The following RBFOX1 variants were observed in gnomAD, a reference collection of about 807,000 sequenced individuals.
RBFOX1 encodes the protein RNA binding protein fox-1 homolog 1.
A neutral mutation model predicts 57.7 loss-of-function variants in RBFOX1; 8 were observed. The ratio of observed to expected loss-of-function variants is 0.14; its 90% confidence interval spans 0.08 to 0.25. The LOEUF (loss-of-function observed/expected upper bound fraction) is 0.25. Ranked by LOEUF, RBFOX1 falls within the 10% of genes least tolerant of loss-of-function variation. The pLI, the probability that RBFOX1 is intolerant of heterozygous loss-of-function variation, is 1.00. For synonymous variants in RBFOX1, 326 were observed against 222.4 expected (o/e 1.47, Z -4.15); for missense variants, 611 against 548.5 (o/e 1.11, Z -1.14).
chr16:7,619,116 C>T (rs548452861), intron 10 of RBFOX1, among the ~76,000 whole-genome samples: 11 of 152,130 alleles, frequency 7.2e-5, no homozygotes, highest in Non-Finnish European at 1.3e-4. Context: ...ATGGGTTATA[C>T]ATTTAAATCT....
At chr16:5,720,369 G>C (rs2051883293) in intron 3 of RBFOX1, among the ~76,000 whole-genome samples, 1 of 152,144 alleles carries the variant, frequency 6.6e-6, no homozygotes, top group African/African-American at 2.4e-5. Flanking sequence ...CATTCTACAG[G>C]TTGTGTTTGC....
chr16:6,960,597 G>T (rs1308964373), intron 3 of RBFOX1, among the ~76,000 whole-genome samples: 1 of 152,052 alleles, frequency 6.6e-6, no homozygotes, highest in African/African-American at 2.4e-5. Flanking sequence ...AAACTCTGCA[G>T]AGGAGGCCCC....
intron 3 of RBFOX1, among the ~76,000 whole-genome samples, chr16:6,886,576 A>T (rs1484997109): frequency 6.6e-6 from 1 of 151,900 alleles, no homozygotes; most frequent in African/African-American, 2.4e-5. Flanking sequence ...TACATGGTGA[A>T]ACCATGTCTC....
At chr16:6,808,726 G>T (rs1009676133) in intron 3 of RBFOX1, among the ~76,000 whole-genome samples, 1 of 152,102 alleles carries the variant, frequency 6.6e-6, no homozygotes, top group African/African-American at 2.4e-5. Context: ...AGGTAATACT[G>T]TTCTTTTCTC....
intron 1 of RBFOX1, among the ~76,000 whole-genome samples, chr16:6,267,075 T>C (rs575514231): frequency 7.2e-5 from 11 of 152,152 alleles, no homozygotes; most frequent in Non-Finnish European, 1.6e-4. Context: ...TATGGAAACA[T>C]GGTGGTGTTT....
At chr16:7,196,710 C>T (rs78878127) in intron 4 of RBFOX1, among the ~76,000 whole-genome samples, 6,840 of 152,162 alleles carry the variant, frequency 0.045, 488 homozygotes, top group African/African-American at 0.16. Context: ...TACAGAGGGT[C>T]AGGAGTCATG....
intron 2 of RBFOX1, among the ~76,000 whole-genome samples, chr16:6,459,610 G>A (rs2094861376): frequency 1.3e-5 from 2 of 151,894 alleles, no homozygotes; most frequent in African/African-American, 4.8e-5. Flanking sequence ...GATTAATAAG[G>A]CATCCATATA....
chr16:6,399,738 C>T (rs1156323219), intron 2 of RBFOX1, among the ~76,000 whole-genome samples: 2 of 152,034 alleles, frequency 1.3e-5, no homozygotes, highest in Non-Finnish European at 2.9e-5. Flanking sequence ...TCTCAAGCTG[C>T]TATGAAGAAA....
intron 1 of RBFOX1, among the ~76,000 whole-genome samples, chr16:5,441,997 A>G (rs1245290959): frequency 1.3e-5 from 2 of 152,206 alleles, no homozygotes; most frequent in South Asian, 2.1e-4. Context: ...GTAAGACACT[A>G]TCCCTGAATG....
rs2095032965 is a variant in RBFOX1, at chr16:6,019,896, C to T, written c.-223C>T. ...CAGCACCCCCTTCCGCCGCCTCCAG[C>T]TTATGGTGAGTGTGGCTGGGGGTGC... is the stretch of plus-strand genomic sequence containing the variant. On this transcript the variant is annotated 5_prime_UTR_variant, in exon 1 of 16. Coordinates refer to ENST00000550418, the MANE Select transcript of RBFOX1 (RefSeq NM_018723.4). The surrounding 1 kb of genome is among the most constrained non-coding windows in gnomAD (Gnocchi z 4.2). 1 of 1,535,130 alleles carries T rather than the reference C, an allele frequency of 6.5e-7. No individual in the cohort carries two copies. The highest frequency in any genetic ancestry group is 2.0e-5 in the Admixed American group (1 of 50,966).
intron 4 of RBFOX1, among the ~76,000 whole-genome samples, chr16:7,304,905 TGTGTG>T (rs2096136060): frequency 7.2e-6 from 1 of 139,390 alleles, no homozygotes; most frequent in Non-Finnish European, 1.5e-5. Context: ...AAGTGTGTGG[TGTGTG>T]GTGTGGTGTG....
chr16:6,006,372 AG>A (rs2094927279), intron 4 of RBFOX1, among the ~76,000 whole-genome samples: 1 of 101,098 alleles, frequency 9.9e-6, no homozygotes. Flanking sequence ...GCCCTACTGT[AG>A]GGAAAAAAAA....
intron 4 of RBFOX1, among the ~76,000 whole-genome samples, chr16:7,405,946 G>T (rs901950329): frequency 6.6e-6 from 1 of 152,168 alleles, no homozygotes; most frequent in East Asian, 1.9e-4. Context: ...CGACTGGGCA[G>T]TTGAGGGATG....
intron 3 of RBFOX1, among the ~76,000 whole-genome samples, chr16:5,703,688 G>A (rs1407735333): frequency 1.3e-5 from 2 of 152,132 alleles, no homozygotes; most frequent in Non-Finnish European, 2.9e-5. Flanking sequence ...TTTCTCATCC[G>A]TTAAATGGGG....
chr16:6,085,663 T>C (rs1389622035), intron 1 of RBFOX1, among the ~76,000 whole-genome samples: 1 of 152,024 alleles, frequency 6.6e-6, no homozygotes, highest in African/African-American at 2.4e-5. Context: ...TGTGTGTGTG[T>C]GTGTGTCTGT....
chr16:6,592,228 C>A (rs190530580), intron 2 of RBFOX1, among the ~76,000 whole-genome samples: 2 of 152,256 alleles, frequency 1.3e-5, no homozygotes, highest in African/African-American at 4.8e-5. Context: ...TAACTACCAG[C>A]CATTGGGCTT....
In RBFOX1 at chr16:5,747,796, A is replaced by G. The variant is rs529480022; in HGVS notation, c.319-119507A>G. ...TCTTTATTAGTCTTGCTAGTGGTCTATCAATTTTGTTGATCTTTCAGAAAA... is the reference window on the plus strand; with the variant it reads ...TCTTTATTAGTCTTGCTAGTGGTCTGTCAATTTTGTTGATCTTTCAGAAAA... On this transcript the variant is annotated intron_variant, in intron 3 of 19. Transcript: ENST00000641259. Among the ~76,000 whole-genome samples the G allele has an allele frequency of 3.9e-5, 6 of 152,214 alleles. No homozygotes were observed. In the South Asian group the frequency reaches 1.0e-3, roughly 26 times the overall value.
At chr16:7,306,405 A>G (rs1335707906) in intron 4 of RBFOX1, among the ~76,000 whole-genome samples, 6 of 152,240 alleles carry the variant, frequency 3.9e-5, no homozygotes, top group Non-Finnish European at 1.5e-5. Context: ...ATTGGCAGCC[A>G]CAACAAATAT....
At chr16:7,460,387 ATATGTGTG>A (rs1429175775) in intron 4 of RBFOX1, among the ~76,000 whole-genome samples, 3 of 75,498 alleles carry the variant, frequency 4.0e-5, no homozygotes, top group Non-Finnish European at 6.5e-5. Context: ...ATATATATAT[ATATGTGTG>A]TGTGTGTGTG....
Sources: allele counts gnomAD v4.1 joint callset (sites outside exome capture counted in the v4.1 genomes callset), GRCh38; gene constraint gnomAD v4.1.1; non-coding constraint Gnocchi (gnomAD v3.1); transcripts MANE v1.5; gene names NCBI Gene and HGNC (gene_info 2026-07-23, HGNC 2026-07-21).